HACE1: variants seen among roughly 807,000 people sequenced by gnomAD.
HACE1 encodes the protein E3 ubiquitin-protein ligase HACE1.
HACE1 carries 73 observed loss-of-function variants against 118.4 expected under a neutral mutation model. The observed-to-expected ratio is 0.62, with a 90% CI of 0.51 to 0.75. The LOEUF (loss-of-function observed/expected upper bound fraction) is 0.75, where lower values mean the gene tolerates loss of function less well. Among genes scored for constraint, HACE1 ranks in the 30% least tolerant of loss-of-function variants. The pLI is 0.00. For missense variants in HACE1, 749 were observed against 1,102.2 expected, an observed-to-expected ratio of 0.68 and a Z score of 4.54; for synonymous variants, 368 against 374.8, an observed-to-expected ratio of 0.98 and a Z score of 0.21.
In HACE1 at chr6:104,744,519, A is replaced by C; in HGVS notation, c.2435T>G (p.Val812Gly). Residue 812 changes from valine (V) to glycine (G), a missense_variant, in exon 21 of 24, where the codon GTT becomes GGT. Around this residue, in one of 5 missense-constraint regions of HACE1, gnomAD observed 165 missense variants for 229.9 expected, o/e 0.72. Coordinates refer to ENST00000262903, the MANE Select transcript of HACE1 (RefSeq NM_020771.4). Reference protein sequence around the residue: ...YTSGYEREDPVIQWFWEVVED... With the variant: ...YTSGYEREDPGIQWFWEVVED... ...GCTCTAGAGAAATTTTACCTGAATA[A>C]CTGGATCTTCTCTTTCATAGCCACT... 1 of 1,543,530 alleles carries C rather than the reference A, an allele frequency of 6.5e-7. No homozygotes were observed. Among genetic ancestry groups the C allele is most frequent in the East Asian group, 2.3e-5 (1 of 44,430 alleles).
At chr6:104,811,160 G>C (rs1771550684) in intron 7 of HACE1, 151 bp downstream of exon 7, 2 of 194,766 alleles carry the variant, frequency 1.0e-5, no homozygotes, top group Non-Finnish European at 2.0e-5. Context: ...GGGAAAACAA[G>C]AGAGCTTTAG....
Position 104,822,402 on chromosome 6 carries a change from A to T in HACE1, c.534+10640T>A, listed in dbSNP as rs1462731127. On this transcript the variant is annotated intron_variant, in intron 6 of 23. Coordinates refer to ENST00000262903, the MANE Select transcript of HACE1 (RefSeq NM_020771.4). ...CATCTCAGAAAAAAAAAAAAAAAAA[A>T]ATTAGCCAGGTGTGGTGGTGTGTGC... Among the ~76,000 whole-genome samples the T allele has an allele frequency of 3.3e-5, 5 of 149,800 alleles. No homozygotes were observed. The East Asian group carries it at 6.0e-4, about 18-fold the overall frequency.
intron 18 of HACE1, 46 bp from the exon 19 acceptor site, chr6:104,771,435 C>T (rs1364449670): frequency 7.9e-7 from 1 of 1,269,430 alleles, no homozygotes; most frequent in Non-Finnish European, 1.1e-6. Flanking sequence ...TTTTGCCTTC[C>T]CTTATCTATT....
rs921665279 is a variant in HACE1 at position 104,750,461 on chromosome 6, G to A, written c.2223C>T (p.Val741=). 1.9e-6 allele frequency: 3 copies of A among 1,613,448 alleles called. No individual in the cohort carries two copies. In the African/African-American group the frequency reaches 4.0e-5, roughly 22 times the overall value. The change falls in exon 20 of 24, where the codon GTC becomes GTT. Residue 741 remains valine, a synonymous_variant. Coordinates refer to ENST00000262903, the MANE Select transcript of HACE1 (RefSeq NM_020771.4). Reference sequence around the variant, plus strand: ...TCATTCGAAGTTCAGTAACAAGCTGGACGTACTCCGCCTGTTGAAAAAGAA... The same window carrying A: ...TCATTCGAAGTTCAGTAACAAGCTGAACGTACTCCGCCTGTTGAAAAAGAA... ...LVTQNNKAEY[V]QLVTELRMTR...
At chr6:104,762,773 G>A (rs1004603443) in intron 19 of HACE1, among the ~76,000 whole-genome samples, 8 of 151,828 alleles carry the variant, frequency 5.3e-5, no homozygotes, top group Non-Finnish European at 8.8e-5. Flanking sequence ...GGCAGATCAC[G>A]AGGTCAGGAG....
chr6:104,806,753 C>T (rs1313764749), intron 7 of HACE1, among the ~76,000 whole-genome samples: 1 of 151,924 alleles, frequency 6.6e-6, no homozygotes, highest in Non-Finnish European at 1.5e-5. Context: ...CAAGAAATTG[C>T]CAATGTATTT....
At chr6:104,854,804 A>G (rs567110717) in intron 1 of HACE1, among the ~76,000 whole-genome samples, 71 of 152,336 alleles carry the variant, frequency 4.7e-4, no homozygotes, top group African/African-American at 1.7e-3. Context: ...GGGGAAATGG[A>G]AAAAAGTTAT....
chr6:104,838,245 G>A lies in HACE1; in HGVS notation c.402+4978C>T, dbSNP rs374373530. On this transcript the variant is annotated intron_variant, in intron 5 of 23. Coordinates refer to ENST00000262903, the MANE Select transcript of HACE1 (RefSeq NM_020771.4). The stretch of plus-strand genomic sequence containing the variant: ...ATGGAATCACAAAAGATCTAGAATA[G>A]CAAAAGCCATCCTGAGTAAAAAGAT... Among the ~76,000 whole-genome samples, 10 of 152,178 alleles carry A rather than the reference G, an allele frequency of 6.6e-5. No individual in the cohort carries two copies. In the South Asian group the frequency reaches 1.9e-3, roughly 28 times the overall value.
intron 22 of HACE1, among the ~76,000 whole-genome samples, chr6:104,737,453 G>A (rs984403350): frequency 1.1e-4 from 17 of 152,212 alleles, no homozygotes; most frequent in Middle Eastern, 3.4e-3. Flanking sequence ...GACAGTGGGC[G>A]CAGGTCAGTG....
chr6:104,804,479 A>G (rs919609573), intron 7 of HACE1, among the ~76,000 whole-genome samples: 1 of 152,218 alleles, frequency 6.6e-6, no homozygotes, highest in Non-Finnish European at 1.5e-5. Flanking sequence ...ACAAGGCTAC[A>G]GTAACCAAAA....
intron 6 of HACE1, among the ~76,000 whole-genome samples, chr6:104,828,738 A>C (rs1000391738): frequency 6.6e-6 from 1 of 152,098 alleles, no homozygotes; most frequent in Non-Finnish European, 1.5e-5. Context: ...CAACAGCTGC[A>C]TCTATATGAA....
At chr6:104,735,562 C>T (rs907704785) in intron 22 of HACE1, among the ~76,000 whole-genome samples, 4 of 151,696 alleles carry the variant, frequency 2.6e-5, no homozygotes, top group South Asian at 2.1e-4. Context: ...ACCCAGGAGG[C>T]GCAGCTTACA....
chr6:104,750,799 G>A (rs1457249432), intron 19 of HACE1, among the ~76,000 whole-genome samples: 1 of 152,096 alleles, frequency 6.6e-6, no homozygotes, highest in East Asian at 1.9e-4. Context: ...CTGGATTACT[G>A]CAACATCTGG....
At chr6:104,750,272 T>C (rs1388562319) in intron 20 of HACE1, 69 bp downstream of exon 20, 4 of 1,289,250 alleles carry the variant, frequency 3.1e-6, no homozygotes, top group Non-Finnish European at 4.5e-6. Context: ...TCCACAATTA[T>C]TTCTGAATTA....
chr6:104,783,401 T>A (rs111814182), intron 14 of HACE1, among the ~76,000 whole-genome samples: 72 of 152,318 alleles, frequency 4.7e-4, no homozygotes, highest in African/African-American at 1.7e-3. Context: ...GTTTTCTATC[T>A]CCAAAACAAC....
chr6:104,741,342 T>C (rs1240394436), intron 22 of HACE1, among the ~76,000 whole-genome samples: 78 of 148,952 alleles, frequency 5.2e-4, no homozygotes, highest in Admixed American at 5.2e-3. Flanking sequence ...ATAAAGGGTA[T>C]TCAATTAGGA....
At chr6:104,801,958 C>A (rs908942640) in intron 7 of HACE1, among the ~76,000 whole-genome samples, 1 of 151,098 alleles carries the variant, frequency 6.6e-6, no homozygotes, top group African/African-American at 2.4e-5. Context: ...ATTCAGGAGA[C>A]CCATCTCACC....
At chr6:104,857,068 A>G (rs984696217) in intron 1 of HACE1, among the ~76,000 whole-genome samples, 5 of 151,594 alleles carry the variant, frequency 3.3e-5, no homozygotes, top group African/African-American at 1.2e-4. Context: ...ATTATTTTCT[A>G]AATTTAGAGA....
chr6:104,777,348 A>C, intron 14 of HACE1, 31 bp from the exon 15 acceptor site: 1 of 1,300,390 alleles, frequency 7.7e-7, no homozygotes, highest in African/African-American at 1.4e-5. Flanking sequence ...AAAATATGTT[A>C]GCAGTGTATC....
Sources: allele counts gnomAD v4.1 joint callset (sites outside exome capture counted in the v4.1 genomes callset), GRCh38; gene constraint gnomAD v4.1.1; regional missense constraint gnomAD v4.1.1; transcripts MANE v1.5; gene names NCBI Gene and HGNC (gene_info 2026-07-23, HGNC 2026-07-21).